The following RPS6KA5 variants were observed in gnomAD, a reference collection of about 807,000 sequenced individuals.
RPS6KA5 encodes the protein ribosomal protein S6 kinase alpha-5.
A neutral mutation model predicts 85.5 loss-of-function variants in RPS6KA5; 27 were observed. The ratio of observed to expected loss-of-function variants is 0.32; its 90% CI spans 0.23 to 0.44. RPS6KA5 has a LOEUF of 0.44. Ranked by LOEUF, RPS6KA5 falls within the 20% of genes least tolerant of loss-of-function variation. RPS6KA5 has a pLI of 1.00. For missense variants in RPS6KA5, 811 were observed against 980.9 expected, an observed-to-expected ratio of 0.83 and a Z score of 2.31; for synonymous variants, 334 against 348.2, an observed-to-expected ratio of 0.96 and a Z score of 0.46.
At chr14:91,017,034 C>G (rs2041529404) in intron 1 of RPS6KA5, among the ~76,000 whole-genome samples, 1 of 152,170 alleles carries the variant, frequency 6.6e-6, no homozygotes, top group South Asian at 2.1e-4. Context: ...TGTCATCACC[C>G]AGTGGGCTCA....
intron 14 of RPS6KA5, among the ~76,000 whole-genome samples, chr14:90,876,928 G>A (rs1014430808): frequency 4.6e-5 from 7 of 152,126 alleles, no homozygotes; most frequent in Non-Finnish European, 8.8e-5. Flanking sequence ...ATGGCAAGAT[G>A]GTGAAACAGC....
chr14:91,027,205 T>G (rs1289711868), intron 1 of RPS6KA5, among the ~76,000 whole-genome samples: 2 of 152,238 alleles, frequency 1.3e-5, no homozygotes, highest in African/African-American at 4.8e-5. Context: ...CCGAGGTATT[T>G]CCTAGGTTTT....
chr14:91,012,092 T>C (rs2041283968), intron 1 of RPS6KA5, among the ~76,000 whole-genome samples: 1 of 152,178 alleles, frequency 6.6e-6, no homozygotes, highest in South Asian at 2.1e-4. Context: ...TTGACAGATT[T>C]TTTTTTCTTT....
intron 7 of RPS6KA5, 134 bp downstream of exon 7, chr14:90,920,072 T>C (rs1232473193): frequency 2.8e-6 from 2 of 704,936 alleles, no homozygotes; most frequent in South Asian, 1.5e-5. Context: ...ATGATAGAAA[T>C]GAAAATTTAC....
chr14:90,894,731 A>T, intron 12 of RPS6KA5, 148 bp from the exon 13 acceptor site: 1 of 1,004,192 alleles, frequency 1.0e-6, no homozygotes, highest in South Asian at 2.0e-5. Flanking sequence ...CTTAGAGAAA[A>T]GGGCTGAAAG....
chr14:91,060,240 C>G (rs987636590), intron 1 of RPS6KA5, 92 bp downstream of exon 1: 1 of 966,136 alleles, frequency 1.0e-6, no homozygotes, highest in African/African-American at 1.8e-5. Context: ...CCCACGGCTG[C>G]GGCCCCGCGC....
chr14:90,978,818 C>A (rs1286079), intron 2 of RPS6KA5, among the ~76,000 whole-genome samples: 4 of 152,072 alleles, frequency 2.6e-5, no homozygotes, highest in African/African-American at 7.2e-5. Context: ...GCTGTTATTA[C>A]GGTCAACTAA....
chr14:90,943,340 G>A (rs138114379), intron 4 of RPS6KA5, among the ~76,000 whole-genome samples, 155 bp from the exon 5 acceptor site: 1 of 151,902 alleles, frequency 6.6e-6, no homozygotes, highest in African/African-American at 2.4e-5. Flanking sequence ...CAGGGAAAAT[G>A]GAAATTCTTT....
chr14:90,922,008 T>TA (rs147379439), intron 6 of RPS6KA5, among the ~76,000 whole-genome samples: 1,666 of 152,278 alleles, frequency 0.011, 18 homozygotes, highest in Non-Finnish European at 0.014. Flanking sequence ...ATTTTGCACA[T>TA]ACAAAGGCAA....
chr14:90,992,987 C>G (rs2040371378), intron 2 of RPS6KA5, among the ~76,000 whole-genome samples: 1 of 152,160 alleles, frequency 6.6e-6, no homozygotes, highest in Non-Finnish European at 1.5e-5. Flanking sequence ...GACATCGTGA[C>G]GAGAGCTTTA....
chr14:91,055,554 A>G (rs1196300575), intron 1 of RPS6KA5, among the ~76,000 whole-genome samples: 1 of 152,176 alleles, frequency 6.6e-6, no homozygotes, highest in East Asian at 1.9e-4. Flanking sequence ...CCCAGGTGGG[A>G]TGATCTCTTG....
At chr14:90,900,319 T>A (rs1252177791) in intron 10 of RPS6KA5, 78 bp from the exon 11 acceptor site, 6 of 1,004,666 alleles carry the variant, frequency 6.0e-6, no homozygotes, top group Non-Finnish European at 8.3e-6. Context: ...TAGAGTAAAA[T>A]AAAATTATTA....
chr14:90,912,904 CTTT>C (rs57029403), intron 7 of RPS6KA5, among the ~76,000 whole-genome samples: 4 of 53,284 alleles, frequency 7.5e-5, no homozygotes, highest in Admixed American at 3.2e-4. Flanking sequence ...CATAAAGCAT[CTTT>C]TTTTTTTTTT....
At chr14:91,042,846 TAG>T (rs1196674996) in intron 1 of RPS6KA5, among the ~76,000 whole-genome samples, 2 of 152,168 alleles carry the variant, frequency 1.3e-5, no homozygotes, top group Non-Finnish European at 2.9e-5. Context: ...AGTACTAGGC[TAG>T]GTCCAGCCTA....
chr14:90,941,673 C>T (rs1005949495), intron 5 of RPS6KA5, among the ~76,000 whole-genome samples: 12 of 152,170 alleles, frequency 7.9e-5, no homozygotes, highest in African/African-American at 2.9e-4. Context: ...CACTTGCATG[C>T]CTACTTCGAG....
intron 3 of RPS6KA5, among the ~76,000 whole-genome samples, chr14:90,952,005 T>C (rs141039644): frequency 3.3e-5 from 5 of 152,280 alleles, no homozygotes; most frequent in Middle Eastern, 3.4e-3. Context: ...GGGACTTCAA[T>C]TGGCATTATG....
intron 14 of RPS6KA5, among the ~76,000 whole-genome samples, chr14:90,882,485 G>T (rs904652349): frequency 6.6e-6 from 1 of 152,110 alleles, no homozygotes; most frequent in Non-Finnish European, 1.5e-5. Flanking sequence ...TCTTCATAAG[G>T]CTTTGAATTA....
At chr14:90,881,102 G>A (rs796377788) in intron 14 of RPS6KA5, among the ~76,000 whole-genome samples, 45 of 151,828 alleles carry the variant, frequency 3.0e-4, no homozygotes, top group African/African-American at 8.7e-4. Context: ...CCAAAGTGCC[G>A]GGATTACAGC....
chr14:91,004,235 G>T (rs1051853938), intron 1 of RPS6KA5, among the ~76,000 whole-genome samples: 1 of 152,114 alleles, frequency 6.6e-6, no homozygotes, highest in Non-Finnish European at 1.5e-5. Flanking sequence ...ACAGGCGCCC[G>T]CCACCACGCC....
Sources: gnomAD v4.1 joint callset for allele counts (sites outside exome capture counted in the v4.1 genomes callset) on GRCh38, gnomAD v4.1.1 for gene constraint, MANE v1.5 for transcripts, NCBI Gene and HGNC (gene_info 2026-07-23, HGNC 2026-07-21) for gene names.